GALNT13: variants seen among roughly 807,000 people sequenced by gnomAD.
GALNT13 encodes the protein polypeptide N-acetylgalactosaminyltransferase 13.
In GALNT13, 28 loss-of-function variants were observed where a neutral mutation model predicts 64.2. That is an observed-to-expected ratio of 0.44 (90% CI 0.32 to 0.60). The LOEUF (loss-of-function observed/expected upper bound fraction) is 0.60, where lower values mean the gene tolerates loss of function less well. GALNT13 is among the 20% of genes least tolerant of loss of function. GALNT13 has a pLI of 0.05. For missense variants in GALNT13, 577 were observed against 669.8 expected, an observed-to-expected ratio of 0.86 and a Z score of 1.53; for synonymous variants, 214 against 224.6, an observed-to-expected ratio of 0.95 and a Z score of 0.42.
At chr2:154,425,286 C>A (rs919158961) in intron 11 of GALNT13, among the ~76,000 whole-genome samples, 3 of 151,978 alleles carry the variant, frequency 2.0e-5, no homozygotes, top group African/African-American at 7.2e-5. Flanking sequence ...GATGGGATAG[C>A]AAAAAGTCTT....
At chr2:153,176,949 G>T in the GALNT13 span, among the ~76,000 whole-genome samples, 64 of 152,110 alleles carry the variant, frequency 4.2e-4, no homozygotes, top group Middle Eastern at 3.4e-3. Flanking sequence ...GAAGGTAAAA[G>T]AAATATTTTT....
At chr2:153,378,562 C>T in the GALNT13 span, among the ~76,000 whole-genome samples, 1 of 152,022 alleles carries the variant, frequency 6.6e-6, no homozygotes, top group African/African-American at 2.4e-5. Flanking sequence ...ATATTTTTTC[C>T]CAGTCACTGC....
the GALNT13 span, among the ~76,000 whole-genome samples, chr2:153,379,117 C>A: frequency 3.9e-5 from 6 of 152,108 alleles, no homozygotes; most frequent in Non-Finnish European, 7.4e-5. Context: ...GCTCTTCTAT[C>A]TTTAGATGTG....
At chr2:153,705,417 A>C in the GALNT13 span, among the ~76,000 whole-genome samples, 1 of 151,732 alleles carries the variant, frequency 6.6e-6, no homozygotes, top group East Asian at 1.9e-4. Context: ...AAAAGTGATG[A>C]AACTATTGCA....
intron 3 of GALNT13, among the ~76,000 whole-genome samples, chr2:153,964,350 G>A (rs1693174481): frequency 1.3e-5 from 2 of 152,172 alleles, no homozygotes; most frequent in South Asian, 4.1e-4. Context: ...TTGGGAGCCT[G>A]AGGCACAAGA....
At chr2:153,237,899 A>G in the GALNT13 span, among the ~76,000 whole-genome samples, 1 of 152,018 alleles carries the variant, frequency 6.6e-6, no homozygotes, top group Non-Finnish European at 1.5e-5. Context: ...AATTTTTGAG[A>G]AAACTCAAAA....
At chr2:153,842,244 T>C in the GALNT13 span, among the ~76,000 whole-genome samples, 1 of 152,138 alleles carries the variant, frequency 6.6e-6, no homozygotes, top group Non-Finnish European at 1.5e-5. Flanking sequence ...TCTTTATCCC[T>C]TTCTTTTCAA....
At chr2:153,341,383 A>T in the GALNT13 span, among the ~76,000 whole-genome samples, 1 of 152,224 alleles carries the variant, frequency 6.6e-6, no homozygotes, top group South Asian at 2.1e-4. Context: ...ATTATGCCAA[A>T]TTGGGATTCA....
chr2:154,196,507 G>A (rs1272616953), intron 4 of GALNT13, among the ~76,000 whole-genome samples: 3 of 152,252 alleles, frequency 2.0e-5, no homozygotes, highest in Admixed American at 6.5e-5. Flanking sequence ...GAAATAATTA[G>A]CTATTCATAG....
chr2:154,063,129 A>T (rs1158206980), intron 3 of GALNT13, among the ~76,000 whole-genome samples: 1 of 151,916 alleles, frequency 6.6e-6, no homozygotes, highest in Admixed American at 6.6e-5. Flanking sequence ...TCTGCAGCAA[A>T]TATGTATTTC....
chr2:153,580,912 G>C, the GALNT13 span, among the ~76,000 whole-genome samples: 1 of 152,124 alleles, frequency 6.6e-6, no homozygotes, highest in Admixed American at 6.5e-5. Context: ...CTGATCTTTA[G>C]ATATTGGTGT....
the GALNT13 span, among the ~76,000 whole-genome samples, chr2:153,608,692 T>C: frequency 1.6e-3 from 236 of 147,722 alleles, no homozygotes; most frequent in African/African-American, 5.7e-3. Context: ...CATATATTTA[T>C]AAAATATATT....
At chr2:154,081,626 C>A (rs574363959) in intron 3 of GALNT13, among the ~76,000 whole-genome samples, 4 of 151,780 alleles carry the variant, frequency 2.6e-5, no homozygotes, top group African/African-American at 9.6e-5. Flanking sequence ...CTTGTATCCT[C>A]ACCCAAATTA....
chr2:153,133,115 G>T, the GALNT13 span, among the ~76,000 whole-genome samples: 6 of 151,234 alleles, frequency 4.0e-5, no homozygotes, highest in African/African-American at 1.5e-4. Context: ...AAGGATTGGA[G>T]TAAATCCACT....
chr2:153,548,439 G>C, the GALNT13 span, among the ~76,000 whole-genome samples: 1 of 152,154 alleles, frequency 6.6e-6, no homozygotes, highest in Admixed American at 6.5e-5. Flanking sequence ...TAAGGGAAAT[G>C]CTTCGTTTAT....
the GALNT13 span, among the ~76,000 whole-genome samples, chr2:153,181,546 A>C: frequency 1.3e-5 from 2 of 150,104 alleles, no homozygotes; most frequent in Admixed American, 6.7e-5. Flanking sequence ...GTTTATGCTC[A>C]ATATTTAATA....
the GALNT13 span, chr2:153,478,435 C>A: frequency 6.2e-7 from 1 of 1,613,980 alleles, no homozygotes; most frequent in Non-Finnish European, 8.5e-7. Flanking sequence ...GTCCGGGCCT[C>A]CCTCCGCGAA....
chr2:153,664,568 T>C, the GALNT13 span, among the ~76,000 whole-genome samples: 1 of 152,104 alleles, frequency 6.6e-6, no homozygotes, highest in Non-Finnish European at 1.5e-5. Flanking sequence ...GATTAAGAGA[T>C]TAAAGTAAAG....
the GALNT13 span, among the ~76,000 whole-genome samples, chr2:153,276,005 A>C: frequency 6.6e-5 from 10 of 152,284 alleles, no homozygotes; most frequent in East Asian, 1.7e-3. Context: ...ATTATATTTC[A>C]TTTTCATTTA....
Sources: allele counts gnomAD v4.1 joint callset (sites outside exome capture counted in the v4.1 genomes callset), GRCh38; gene constraint gnomAD v4.1.1; transcripts MANE v1.5; gene names NCBI Gene and HGNC (gene_info 2026-07-23, HGNC 2026-07-21).